The following CHST8 variants were observed in gnomAD, a reference collection of about 807,000 sequenced individuals.
CHST8 encodes the protein carbohydrate sulfotransferase 8.
CHST8 carries 10 observed loss-of-function variants against 15.0 expected under a neutral mutation model. The ratio of observed to expected loss-of-function variants is 0.67; its 90% CI spans 0.41 to 1.13. The LOEUF (loss-of-function observed/expected upper bound fraction) is 1.13. Ranked by LOEUF, CHST8 falls within the 50% of genes most tolerant of loss-of-function variation. The pLI, the probability that CHST8 is intolerant of heterozygous loss-of-function variation, is 0.00. For missense variants in CHST8, 634 were observed against 608.2 expected, an observed-to-expected ratio of 1.04 and a Z score of -0.45; for synonymous variants, 259 against 256.6, an observed-to-expected ratio of 1.01 and a Z score of -0.09.
chr19:33,729,212 G>A (rs1332586343), intron 3 of CHST8, among the ~76,000 whole-genome samples: 2 of 152,338 alleles, frequency 1.3e-5, no homozygotes, highest in East Asian at 3.9e-4. Flanking sequence ...GTGCAGCTGG[G>A]GCTGCAGTCT....
At chr19:33,702,174 A>G (rs1973351659) in intron 3 of CHST8, among the ~76,000 whole-genome samples, 1 of 152,072 alleles carries the variant, frequency 6.6e-6, no homozygotes, top group South Asian at 2.1e-4. Context: ...GAGTTTCACC[A>G]TGTTGGCCAG....
At chr19:33,757,027 C>A (rs1223716987) in intron 3 of CHST8, among the ~76,000 whole-genome samples, 1 of 152,146 alleles carries the variant, frequency 6.6e-6, no homozygotes, top group Non-Finnish European at 1.5e-5. Context: ...TCTGGGGCCC[C>A]CCTGGTCAGC....
chr19:33,705,521 G>A (rs1169542692), intron 3 of CHST8, among the ~76,000 whole-genome samples: 1 of 152,212 alleles, frequency 6.6e-6, no homozygotes, highest in East Asian at 1.9e-4. Context: ...CCACTGACAA[G>A]CTTCTGTTGC....
chr19:33,772,261 G>C lies in CHST8; in HGVS notation c.473G>C (p.Arg158Pro). The C allele has an allele frequency of 6.2e-7, 1 of 1,600,660 alleles. No homozygotes were observed. The highest frequency in any genetic ancestry group is 8.5e-7 in the Non-Finnish European group (1 of 1,178,556). Residue 158 changes from arginine to proline, a missense_variant, in exon 5 of 5, where the codon CGG becomes CCG. Coordinates refer to ENST00000650847, the MANE Select transcript of CHST8 (RefSeq NM_001127895.2). ...CACCGGAGCCAGCAGGAGCGCAAGCGGGTGATGCAGGAGGCCTGCGCCAAG... is the reference window on the plus strand; with the variant it reads ...CACCGGAGCCAGCAGGAGCGCAAGCCGGTGATGCAGGAGGCCTGCGCCAAG... ...SLHRSQQERK[R>P]VMQEACAKYR...
intron 3 of CHST8, among the ~76,000 whole-genome samples, chr19:33,693,784 A>T (rs1973144469): frequency 1.3e-5 from 2 of 151,852 alleles, no homozygotes; most frequent in South Asian, 4.2e-4. Flanking sequence ...GTTTTGGGGG[A>T]CAGGAATTCA....
chr19:33,701,881 C>T (rs1466346503), intron 3 of CHST8, among the ~76,000 whole-genome samples: 2 of 152,220 alleles, frequency 1.3e-5, no homozygotes, highest in African/African-American at 2.4e-5. Context: ...CGTGGCTCAG[C>T]CAGGATTTGA....
intron 3 of CHST8, among the ~76,000 whole-genome samples, chr19:33,722,833 C>T (rs1973824940): frequency 6.6e-6 from 1 of 152,236 alleles, no homozygotes; most frequent in African/African-American, 2.4e-5. Flanking sequence ...TTAGTCCTGG[C>T]TCAGCCTCTG....
In CHST8 at chr19:33,773,090, C is replaced by T. The variant is rs202247593; in HGVS notation, c.*27C>T. 365 of 1,558,788 alleles carry T rather than the reference C, an allele frequency of 2.3e-4. No individual in the cohort carries two copies. In the African/African-American group the frequency reaches 4.4e-3, roughly 19 times the overall value. ...GGGCGCCGCAGCTGGCCGGGGCCGC[C>T]CTGCCCCGGTCACTCACCTGTGCTC... is the stretch of plus-strand genomic sequence containing the variant. On this transcript the variant is annotated 3_prime_UTR_variant, in exon 5 of 5. Coordinates refer to ENST00000650847, the MANE Select transcript of CHST8 (RefSeq NM_001127895.2).
At chr19:33,763,329 C>T (rs987184686) in intron 3 of CHST8, among the ~76,000 whole-genome samples, 2 of 152,286 alleles carry the variant, frequency 1.3e-5, no homozygotes. Context: ...GGGGAAGAAG[C>T]CCCCCACCCA....
At chr19:33,660,641 C>G (rs764191280) in intron 1 of CHST8, among the ~76,000 whole-genome samples, 2 of 152,206 alleles carry the variant, frequency 1.3e-5, no homozygotes, top group South Asian at 4.1e-4. Flanking sequence ...AGTTGCCGCC[C>G]CTTTCACATC....
chr19:33,664,104 G>A lies in CHST8; in HGVS notation c.-163-3663G>A, dbSNP rs12459432. ...GGAATTATGCCAATGATCGCAGTTC[G>A]GAGTGGACTGGATTGGGGCGACTTT... On this transcript the variant is annotated intron_variant, in intron 1 of 4. Coordinates refer to ENST00000650847, the MANE Select transcript of CHST8 (RefSeq NM_001127895.2). Among the ~76,000 whole-genome samples the A allele has an allele frequency of 6.9e-3, 1,046 of 152,012 alleles. 10 individuals are homozygous for A. Among genetic ancestry groups the A allele is most frequent in the Non-Finnish European group, 1.0e-2 (677 of 67,954 alleles).
intron 1 of CHST8, among the ~76,000 whole-genome samples, chr19:33,644,517 T>C (rs1478901335): frequency 6.6e-6 from 1 of 152,044 alleles, no homozygotes; most frequent in East Asian, 1.9e-4. Context: ...GGAGGATCCC[T>C]CGAGGCCAGG....
chr19:33,654,222 T>C (rs149924228), intron 1 of CHST8, among the ~76,000 whole-genome samples: 2 of 152,312 alleles, frequency 1.3e-5, no homozygotes, highest in Non-Finnish European at 2.9e-5. Context: ...TCCTGTAGTT[T>C]CCTGTTCTTT....
At chr19:33,639,903 G>C (rs1402738395) in intron 1 of CHST8, among the ~76,000 whole-genome samples, 1 of 149,994 alleles carries the variant, frequency 6.7e-6, no homozygotes, top group African/African-American at 2.5e-5. Flanking sequence ...GCAGTGGCGC[G>C]ATCTCGGCTT....
intron 3 of CHST8, among the ~76,000 whole-genome samples, chr19:33,726,559 A>C (rs1351589248): frequency 6.6e-6 from 1 of 152,068 alleles, no homozygotes; most frequent in Admixed American, 6.6e-5. Flanking sequence ...TAATAATAAA[A>C]GTGTGAGCAT....
chr19:33,713,619 G>T (rs1446641712), intron 3 of CHST8, among the ~76,000 whole-genome samples: 1 of 152,038 alleles, frequency 6.6e-6, no homozygotes, highest in Non-Finnish European at 1.5e-5. Context: ...TGGCTGGAGT[G>T]CAGTGACACC....
At chr19:33,721,528 GGATA>G (rs1248807272) in intron 3 of CHST8, among the ~76,000 whole-genome samples, 2 of 151,258 alleles carry the variant, frequency 1.3e-5, no homozygotes, top group Non-Finnish European at 3.0e-5. Flanking sequence ...GTGGATGGAT[GGATA>G]GATAGGTGGA....
intron 3 of CHST8, among the ~76,000 whole-genome samples, chr19:33,740,812 TGTG>T (rs1305228454): frequency 6.6e-6 from 1 of 152,216 alleles, no homozygotes; most frequent in African/African-American, 2.4e-5. Flanking sequence ...ATCGGCATCT[TGTG>T]GGGGCTGTCC....
intron 3 of CHST8, among the ~76,000 whole-genome samples, chr19:33,699,292 A>G (rs1170296187): frequency 2.0e-5 from 3 of 152,076 alleles, no homozygotes; most frequent in East Asian, 1.9e-4. Context: ...GGAGCTCACA[A>G]TCTGTGGGGG....
Sources: allele counts gnomAD v4.1 joint callset (sites outside exome capture counted in the v4.1 genomes callset), GRCh38; gene constraint gnomAD v4.1.1; transcripts MANE v1.5; gene names NCBI Gene and HGNC (gene_info 2026-07-23, HGNC 2026-07-21).